ST8SIA6: variants seen among roughly 807,000 people sequenced by gnomAD.
The protein encoded by ST8SIA6 is alpha-2,8-sialyltransferase 8F.
ST8SIA6 carries 39 observed loss-of-function variants against 33.6 expected under a neutral mutation model. The ratio of observed to expected loss-of-function variants is 1.16; its 90% CI spans 0.90 to 1.52. ST8SIA6 has a LOEUF of 1.52. Ranked by LOEUF, ST8SIA6 falls within the 40% of genes most tolerant of loss-of-function variation. The pLI is 0.00. For missense variants in ST8SIA6, 441 were observed against 443.8 expected (o/e 0.99, Z 0.06); for synonymous variants, 172 against 167.2 (o/e 1.03, Z -0.22).
At chr10:17,337,107 C>T (rs1848526449) in intron 4 of ST8SIA6, among the ~76,000 whole-genome samples, 1 of 151,930 alleles carries the variant, frequency 6.6e-6, no homozygotes, top group South Asian at 2.1e-4. Flanking sequence ...ACTGAGTTCT[C>T]ACGAGATCTG....
chr10:17,331,401 T>G lies in ST8SIA6; in HGVS notation c.522+7A>C. On this transcript the variant is annotated splice_region_variant and intron_variant, in intron 5 of 7. Transcript: ENST00000377602. ...ACACAAATAACCCACCAGAAACCTT[T>G]ACTCACCACTGGAAACATATGAAAA... The G allele has an allele frequency of 6.2e-7, 1 of 1,607,522 alleles. No homozygotes were observed. Among genetic ancestry groups the G allele is most frequent in the Non-Finnish European group, 8.5e-7 (1 of 1,177,948 alleles).
At chr10:17,353,664 G>T (rs1014993949) in intron 4 of ST8SIA6, among the ~76,000 whole-genome samples, 5 of 152,140 alleles carry the variant, frequency 3.3e-5, no homozygotes, top group African/African-American at 1.2e-4. Context: ...CAGTGTAATA[G>T]TTATCTGTAA....
intron 2 of ST8SIA6, among the ~76,000 whole-genome samples, chr10:17,432,586 AAC>A (rs1852135242): frequency 6.6e-6 from 1 of 152,200 alleles, no homozygotes; most frequent in Non-Finnish European, 1.5e-5. Flanking sequence ...GACAATGATA[AAC>A]ACACTTTTCA....
intron 4 of ST8SIA6, among the ~76,000 whole-genome samples, chr10:17,348,845 T>TC (rs140732642): frequency 0.4 from 60,922 of 151,734 alleles, 12,591 homozygotes; most frequent in East Asian, 0.59. Context: ...ATAAGAATGA[T>TC]CCTTCCTACC....
chr10:17,409,325 G>A (rs746571), intron 2 of ST8SIA6: 17,964 of 152,614 alleles, frequency 0.12, 1,106 homozygotes, highest in South Asian at 0.15. Flanking sequence ...TTTCAGGAAA[G>A]CATCAGGTTC....
intron 4 of ST8SIA6, among the ~76,000 whole-genome samples, chr10:17,333,691 ATAT>A (rs1848382342): frequency 5.8e-5 from 1 of 17,196 alleles, no homozygotes; most frequent in African/African-American, 2.7e-4. Flanking sequence ...ATATATATAT[ATAT>A]ATATATATAT....
intron 2 of ST8SIA6, among the ~76,000 whole-genome samples, chr10:17,430,702 A>G (rs1336644820): frequency 2.0e-5 from 3 of 152,096 alleles, no homozygotes; most frequent in African/African-American, 7.2e-5. Context: ...AGAACTGTCT[A>G]TTCATGTCCT....
intron 7 of ST8SIA6, among the ~76,000 whole-genome samples, chr10:17,322,288 A>G (rs1281174588): frequency 1.3e-5 from 2 of 151,902 alleles, no homozygotes; most frequent in African/African-American, 4.8e-5. Flanking sequence ...GGGAGGAAGG[A>G]AGGAAAGAGG....
intron 2 of ST8SIA6, among the ~76,000 whole-genome samples, chr10:17,420,767 A>G (rs1289754819): frequency 6.6e-6 from 1 of 152,196 alleles, no homozygotes; most frequent in Non-Finnish European, 1.5e-5. Context: ...TCACACTACT[A>G]TAAAGAACTG....
intron 2 of ST8SIA6, among the ~76,000 whole-genome samples, chr10:17,399,602 T>C (rs1238345258): frequency 6.6e-6 from 1 of 152,106 alleles, no homozygotes; most frequent in Non-Finnish European, 1.5e-5. Flanking sequence ...CCTCCTACCA[T>C]AGTTGCAAGA....
chr10:17,374,407 A>G (rs571112787), intron 3 of ST8SIA6, among the ~76,000 whole-genome samples: 1 of 152,022 alleles, frequency 6.6e-6, no homozygotes, highest in South Asian at 2.1e-4. Context: ...AGAGGCTTCT[A>G]TCATACTCTC....
At chr10:17,381,511 G>C (rs1435517751) in intron 3 of ST8SIA6, among the ~76,000 whole-genome samples, 1 of 152,010 alleles carries the variant, frequency 6.6e-6, no homozygotes, top group African/African-American at 2.4e-5. Flanking sequence ...TACCAAAAAA[G>C]ACTAGTCACA....
At chr10:17,397,341 C>T (rs1850849120) in intron 2 of ST8SIA6, among the ~76,000 whole-genome samples, 1 of 139,474 alleles carries the variant, frequency 7.2e-6, no homozygotes, top group South Asian at 2.4e-4. Context: ...TCAAGTGATT[C>T]TCCTGCCTCA....
intron 2 of ST8SIA6, among the ~76,000 whole-genome samples, chr10:17,424,716 G>A (rs1851880871): frequency 6.6e-6 from 1 of 151,088 alleles, no homozygotes; most frequent in Admixed American, 6.6e-5. Flanking sequence ...CTTTTAGGAA[G>A]AAATAATACA....
intron 2 of ST8SIA6, among the ~76,000 whole-genome samples, chr10:17,421,195 G>T (rs1403850281): frequency 6.6e-6 from 1 of 152,200 alleles, no homozygotes; most frequent in African/African-American, 2.4e-5. Context: ...ACCTGGGGTA[G>T]AACACAACTG....
At chr10:17,437,731 T>G in intron 2 of ST8SIA6, among the ~76,000 whole-genome samples, 1 of 139,944 alleles carries the variant, frequency 7.1e-6, no homozygotes, top group South Asian at 2.7e-4. Context: ...CTCCCTTCCC[T>G]CCCTTTCTCT....
chr10:17,367,763 T>C (rs1186896516), intron 3 of ST8SIA6, among the ~76,000 whole-genome samples: 1 of 152,208 alleles, frequency 6.6e-6, no homozygotes, highest in Non-Finnish European at 1.5e-5. Context: ...GTAAGACCTA[T>C]AAATTGCAGA....
chr10:17,425,097 T>A (rs1274597707), intron 2 of ST8SIA6, among the ~76,000 whole-genome samples: 2 of 152,150 alleles, frequency 1.3e-5, no homozygotes, highest in African/African-American at 4.8e-5. Flanking sequence ...GGACTCAACA[T>A]TGGAATAATA....
chr10:17,359,693 T>C, intron 3 of ST8SIA6, 93 bp from the exon 4 acceptor site: 4 of 670,586 alleles, frequency 6.0e-6, no homozygotes, highest in Non-Finnish European at 9.4e-6. Context: ...CTTTAGTCTA[T>C]AAATATTTTT....
Sources: allele counts gnomAD v4.1 joint callset (sites outside exome capture counted in the v4.1 genomes callset), GRCh38; gene constraint gnomAD v4.1.1; transcripts MANE v1.5; gene names NCBI Gene and HGNC (gene_info 2026-07-23, HGNC 2026-07-21).